Variants in TM9SF4 observed in about 807,000 individuals in gnomAD.
The protein encoded by TM9SF4 is transmembrane 9 superfamily member 4.
In TM9SF4, 26 loss-of-function variants were observed where a neutral mutation model predicts 90.4. The ratio of observed to expected loss-of-function variants is 0.29; its 90% CI spans 0.21 to 0.40. TM9SF4 has a LOEUF of 0.40. Among genes scored for constraint, TM9SF4 ranks in the 10% least tolerant of loss-of-function variants. The pLI is 1.00. For missense variants in TM9SF4, 549 were observed against 834.8 expected, an observed-to-expected ratio of 0.66 and a Z score of 4.22; for synonymous variants, 293 against 315.4, an observed-to-expected ratio of 0.93 and a Z score of 0.75.
At chr20:32,158,619 A>G in intron 15 of TM9SF4, 105 bp downstream of exon 15, 1 of 1,127,294 alleles carries the variant, frequency 8.9e-7, no homozygotes. Context: ...CAGATGGGCC[A>G]CTTCACCTCT....
chr20:32,115,807 C>CTGTT (rs2046211471), intron 1 of TM9SF4, among the ~76,000 whole-genome samples: 1 of 95,166 alleles, frequency 1.1e-5, no homozygotes, highest in African/African-American at 4.8e-5. Context: ...CCACTTTAAG[C>CTGTT]TTTTTTTTTT....
At chr20:32,115,839 A>C (rs559512425) in intron 1 of TM9SF4, among the ~76,000 whole-genome samples, 5 of 113,360 alleles carry the variant, frequency 4.4e-5, no homozygotes, top group South Asian at 3.1e-4. Context: ...TTTGAGACAG[A>C]GTCTCACTCT....
At chr20:32,129,918 T>G (rs956717968) in intron 1 of TM9SF4, among the ~76,000 whole-genome samples, 1 of 152,340 alleles carries the variant, frequency 6.6e-6, no homozygotes, top group Non-Finnish European at 1.5e-5. Context: ...ATGTTATTGG[T>G]GAACACCCTT....
intron 2 of TM9SF4, among the ~76,000 whole-genome samples, chr20:32,134,082 G>A (rs963862985): frequency 1.3e-5 from 2 of 151,694 alleles, no homozygotes; most frequent in African/African-American, 4.9e-5. Context: ...CCAGAGTGCT[G>A]GGATTATCGG....
chr20:32,122,336 G>A (rs2046332238), intron 1 of TM9SF4, among the ~76,000 whole-genome samples: 1 of 151,498 alleles, frequency 6.6e-6, no homozygotes, highest in Non-Finnish European at 1.5e-5. Flanking sequence ...GGACGGGGTG[G>A]CTGCCGGGCG....
Position 32,140,790 on chromosome 20 carries a change from G to A in TM9SF4, c.230-707G>A, listed in dbSNP as rs1042206185. ...ACACAGGGCAGTCAGGGGAGGGAGT[G>A]ATGGGCTTGTCCTGAAGGGGTTAGG... On this transcript the variant is annotated intron_variant, in intron 3 of 17. Coordinates refer to ENST00000398022, the MANE Select transcript of TM9SF4 (RefSeq NM_014742.4). 4.6e-5 allele frequency among the ~76,000 whole-genome samples: 7 copies of A among 152,120 alleles called. No individual in the cohort carries two copies. The East Asian group carries it at 1.4e-3, about 29-fold the overall frequency.
chr20:32,139,912 T>G (rs1163888764), intron 3 of TM9SF4, among the ~76,000 whole-genome samples: 1 of 152,236 alleles, frequency 6.6e-6, no homozygotes, highest in African/African-American at 2.4e-5. Flanking sequence ...CAAGTACCCC[T>G]TCCTCAGGGA....
intron 1 of TM9SF4, among the ~76,000 whole-genome samples, chr20:32,110,458 G>A (rs1274210034): frequency 6.6e-6 from 1 of 152,050 alleles, no homozygotes; most frequent in African/African-American, 2.4e-5. Context: ...GGTGTGTAGG[G>A]GGAGGCATGC....
chr20:32,155,208 C>T, intron 13 of TM9SF4, 22 bp downstream of exon 13: 1 of 1,595,658 alleles, frequency 6.3e-7, no homozygotes, highest in Non-Finnish European at 8.6e-7. Flanking sequence ...CCCTACCCTT[C>T]CAGCCCCTCC....
chr20:32,152,767 A>G (rs1049746006), intron 12 of TM9SF4, among the ~76,000 whole-genome samples: 16 of 152,174 alleles, frequency 1.1e-4, no homozygotes, highest in Non-Finnish European at 2.4e-4. Context: ...TAGCTCCTGC[A>G]TCAGTCCTCC....
chr20:32,115,841 TCTCA>T (rs1325257321), intron 1 of TM9SF4, among the ~76,000 whole-genome samples: 1 of 113,168 alleles, frequency 8.8e-6, no homozygotes, highest in East Asian at 3.1e-4. Flanking sequence ...TGAGACAGAG[TCTCA>T]CTCTGTCGCC....
intron 1 of TM9SF4, among the ~76,000 whole-genome samples, chr20:32,123,111 T>G (rs1394890556): frequency 7.2e-6 from 1 of 138,854 alleles, no homozygotes; most frequent in African/African-American, 2.7e-5. Flanking sequence ...TGAGCCGAGA[T>G]GGCAGCAGTA....
intron 1 of TM9SF4, among the ~76,000 whole-genome samples, chr20:32,115,971 G>A (rs1195717169): frequency 6.6e-6 from 1 of 151,872 alleles, no homozygotes; most frequent in Non-Finnish European, 1.5e-5. Flanking sequence ...ACAGGCATGT[G>A]CCACCACGCC....
At chr20:32,150,047 G>C (rs904138632) in intron 10 of TM9SF4, among the ~76,000 whole-genome samples, 1 of 152,174 alleles carries the variant, frequency 6.6e-6, no homozygotes, top group Non-Finnish European at 1.5e-5. Context: ...TCCTTTTGTA[G>C]TCAGAGGCCA....
chr20:32,146,613 G>A (rs150902243), intron 8 of TM9SF4, among the ~76,000 whole-genome samples, 172 bp from the exon 9 acceptor site: 1 of 152,058 alleles, frequency 6.6e-6, no homozygotes, highest in Non-Finnish European at 1.5e-5. Context: ...CCTGGTAGCT[G>A]GAGTGGAGCT....
chr20:32,162,329 G>T (rs1322968678), intron 17 of TM9SF4, among the ~76,000 whole-genome samples: 1 of 152,204 alleles, frequency 6.6e-6, no homozygotes, highest in Admixed American at 6.5e-5. Context: ...ATCATTTAGT[G>T]TAGTGCTGTA....
intron 17 of TM9SF4, among the ~76,000 whole-genome samples, chr20:32,163,268 A>AAAATATAT (rs1555886757): frequency 3.5e-4 from 26 of 74,470 alleles, no homozygotes; most frequent in African/African-American, 1.4e-3. Flanking sequence ...AAAAAAAAAA[A>AAAATATAT]ATATATATAT....
Position 32,122,253 on chromosome 20 carries a change from G to T in TM9SF4, c.16-10760G>T, listed in dbSNP as rs1323359693. ...GGACGGGGCGGCTGGCCTGGCGGGG[G>T]GCTGACCCCCCACCTCCCTCCCGGA... On this transcript the variant is annotated intron_variant, in intron 1 of 17. Coordinates refer to ENST00000398022, the MANE Select transcript of TM9SF4 (RefSeq NM_014742.4). Among the ~76,000 whole-genome samples the T allele has an allele frequency of 4.6e-5, 4 of 87,850 alleles. No individual in the cohort carries two copies. The East Asian group carries it at 3.2e-3, about 70-fold the overall frequency. 57.6% of individuals were successfully genotyped at this position (87,850 alleles called of 152,430 possible).
Position 32,133,108 on chromosome 20 carries a change from C to T in TM9SF4, c.111C>T (p.Asn37=), listed in dbSNP as rs756314869. The change falls in exon 2 of 18, where the codon AAC becomes AAT. Residue 37 remains asparagine, a synonymous_variant. Transcript: ENST00000398022. ...TCGCGCCTATCAACTTCCACCAGAA[C>T]GATCCCGTAGAAATCAAGGTAAGTG... ...PGVAPINFHQ[N]DPVEIKAVKL... is the part of the protein sequence containing the mutation. 29 of 1,613,992 alleles carry T rather than the reference C, an allele frequency of 1.8e-5. No homozygotes were observed. Among genetic ancestry groups the T allele is most frequent in the African/African-American group, 4.0e-5 (3 of 74,908 alleles).
Sources: gnomAD v4.1 joint callset for allele counts (sites outside exome capture counted in the v4.1 genomes callset) on GRCh38, gnomAD v4.1.1 for gene constraint, MANE v1.5 for transcripts, NCBI Gene and HGNC (gene_info 2026-07-23, HGNC 2026-07-21) for gene names.